Variants in POLR3G observed in about 807,000 individuals in gnomAD.
POLR3G encodes DNA-directed RNA polymerase III subunit RPC7.
A neutral mutation model predicts 30.1 loss-of-function variants in POLR3G; 28 were observed. The observed-to-expected ratio is 0.93, with a 90% CI of 0.69 to 1.27. The LOEUF is 1.27. Ranked by LOEUF, POLR3G falls within the 50% of genes most tolerant of loss-of-function variation. The probability of loss-of-function intolerance (pLI) is 0.00; values close to 1 mark genes in which losing one functional copy is unlikely to be tolerated. For synonymous variants in POLR3G, 79 were observed against 82.5 expected, an observed-to-expected ratio of 0.96 and a Z score of 0.23; for missense variants, 254 against 264.6, an observed-to-expected ratio of 0.96 and a Z score of 0.28.
At chr5:90,477,010 C>T (rs1368715507) in intron 1 of POLR3G, among the ~76,000 whole-genome samples, 5 of 152,096 alleles carry the variant, frequency 3.3e-5, no homozygotes, top group Admixed American at 1.3e-4. Context: ...TCATAGAAGA[C>T]GGCCTGACGA....
chr5:90,504,699 A>T lies in POLR3G; in HGVS notation c.439-1829A>T, dbSNP rs567645738. ...AATAAATATGGCACTACAATTTCCT[A>T]TTAACTATACAACTTATTGGTTGCA... On this transcript the variant is annotated intron_variant, in intron 6 of 7. Transcript: ENST00000651687. Among the ~76,000 whole-genome samples, 780 of 152,292 alleles carry T rather than the reference A, an allele frequency of 5.1e-3. 7 individuals are homozygous for T. The highest frequency in any genetic ancestry group is 0.018 in the African/African-American group (747 of 41,544).
intron 4 of POLR3G, among the ~76,000 whole-genome samples, chr5:90,496,010 C>T (rs907697715): frequency 7.2e-5 from 11 of 151,806 alleles, no homozygotes; most frequent in Non-Finnish European, 1.3e-4. Context: ...CTTGCTCTGT[C>T]GCCCAGGCTG....
In POLR3G at chr5:90,506,519, T is replaced by C. The variant is rs199733843; in HGVS notation, c.439-9T>C. The C allele has an allele frequency of 1.9e-6, 3 of 1,611,392 alleles. No individual in the cohort carries two copies. ...TTCCATACAAATTAATGAAACTCAC[T>C]TATACCAGGAATTGGAAAAAAGAGG... On this transcript the variant is annotated splice_polypyrimidine_tract_variant and intron_variant, in intron 6 of 7. Coordinates refer to ENST00000651687, the MANE Select transcript of POLR3G (RefSeq NM_006467.3).
At chr5:90,483,506 AT>A (rs1751253086) in intron 1 of POLR3G, among the ~76,000 whole-genome samples, 1 of 152,214 alleles carries the variant, frequency 6.6e-6, no homozygotes, top group African/African-American at 2.4e-5. Flanking sequence ...ATTGGCCATC[AT>A]TGGCAGGGTG....
chr5:90,503,683 ACTTT>A (rs202116892), intron 6 of POLR3G, among the ~76,000 whole-genome samples: 1,547 of 152,320 alleles, frequency 0.01, 63 homozygotes, highest in Admixed American at 0.071. Flanking sequence ...TTCCCAGATG[ACTTT>A]CTTATTGCTG....
intron 6 of POLR3G, chr5:90,502,378 T>C: frequency 1.2e-6 from 1 of 828,590 alleles, no homozygotes; most frequent in Non-Finnish European, 1.4e-6. Flanking sequence ...GTTTTAATGC[T>C]TTTTTTTTGG....
At chr5:90,491,628 C>T (rs913827300) in intron 3 of POLR3G, among the ~76,000 whole-genome samples, 1 of 150,894 alleles carries the variant, frequency 6.6e-6, no homozygotes, top group South Asian at 2.1e-4. Context: ...CAGACATTTT[C>T]TTAAAAAGGA....
chr5:90,481,192 G>A (rs576075811), intron 1 of POLR3G, among the ~76,000 whole-genome samples: 1 of 152,222 alleles, frequency 6.6e-6, no homozygotes, highest in East Asian at 1.9e-4. Flanking sequence ...GGTGAAAACT[G>A]ATGGACACTT....
At chr5:90,484,536 A>T (rs1393465653) in intron 1 of POLR3G, among the ~76,000 whole-genome samples, 1 of 152,196 alleles carries the variant, frequency 6.6e-6, no homozygotes, top group Non-Finnish European at 1.5e-5. Context: ...AATGTGGTAG[A>T]CTAAGAAGGG....
chr5:90,513,868 T>G lies in POLR3G; in HGVS notation c.*1729T>G, dbSNP rs1752845623. The G allele has an allele frequency of 6.6e-6, 1 of 152,188 alleles. No individual in the cohort carries two copies. Among genetic ancestry groups the G allele is most frequent in the African/African-American group, 2.4e-5 (1 of 41,452 alleles). 9.4% of individuals were successfully genotyped at this position (152,188 alleles called of 1,614,324 possible). On this transcript the variant is annotated 3_prime_UTR_variant, in exon 8 of 8. Coordinates refer to ENST00000651687, the MANE Select transcript of POLR3G (RefSeq NM_006467.3). ...ATTTGCGGTTGATAATTAACATAGG[T>G]GTTTTATTCTCTCAACTCCTTAGTA... is the stretch of plus-strand genomic sequence containing the variant.
intron 5 of POLR3G, among the ~76,000 whole-genome samples, chr5:90,501,228 A>G (rs1217528629): frequency 2.0e-5 from 3 of 152,170 alleles, no homozygotes; most frequent in Non-Finnish European, 4.4e-5. Context: ...TTTTTTGCAC[A>G]TATATATTTA....
At chr5:90,474,363 G>A, upstream of POLR3G, 1 of 1,383,320 alleles carries the variant, frequency 7.2e-7, no homozygotes, top group South Asian at 1.2e-5. Context: ...CCACACACAG[G>A]GCACTGCGGC....
Position 90,512,042 on chromosome 5 carries a change from A to G in POLR3G, c.586-11A>G, listed in dbSNP as rs550072921. 1.1e-5 allele frequency: 17 copies of G among 1,551,992 alleles called. No individual in the cohort carries two copies. In the African/African-American group the frequency reaches 2.2e-4, roughly 20 times the overall value. On this transcript the variant is annotated splice_polypyrimidine_tract_variant and intron_variant, in intron 7 of 7. Coordinates refer to ENST00000651687, the MANE Select transcript of POLR3G (RefSeq NM_006467.3). ...TTTAACGTTTACAAAGGAATATATC[A>G]TTTCACTTAGGAAAATGACTACATT...
rs1267244987 is a variant in POLR3G at position 90,513,082 on chromosome 5, G to T, written c.*943G>T. 3.9e-5 allele frequency: 6 copies of T among 151,954 alleles called. No individual in the cohort carries two copies. The highest frequency in any genetic ancestry group is 3.3e-4 in the Admixed American group (5 of 15,232). The allele number at this position is 151,954 out of a possible 1,614,324, so 9.4% of individuals were successfully genotyped here. Reference sequence around the variant, plus strand: ...TGAAATTAATATTAATATTTTTGTTGTTTAACTTTAAAGCTAGCTCCCCTA... The same window carrying T: ...TGAAATTAATATTAATATTTTTGTTTTTTAACTTTAAAGCTAGCTCCCCTA... On this transcript the variant is annotated 3_prime_UTR_variant, in exon 8 of 8. Transcript: ENST00000651687.
rs1308535111 is a variant in POLR3G at position 90,513,234 on chromosome 5, A to C, written c.*1095A>C. ...AAATGATTTATCAATGTTATCTACCAAAAGAAATAATTTTATTTTTCCCCT... is the reference window on the plus strand; with the variant it reads ...AAATGATTTATCAATGTTATCTACCCAAAGAAATAATTTTATTTTTCCCCT... On this transcript the variant is annotated 3_prime_UTR_variant, in exon 8 of 8. Coordinates refer to ENST00000651687, the MANE Select transcript of POLR3G (RefSeq NM_006467.3). 1 of 152,628 alleles carries C rather than the reference A, an allele frequency of 6.6e-6. No individual in the cohort carries two copies. The highest frequency in any genetic ancestry group is 1.5e-5 in the Non-Finnish European group (1 of 67,988). The allele number at this position is 152,628 out of a possible 1,614,324, so 9.5% of individuals were successfully genotyped here.
At chr5:90,479,561 T>G (rs1474395018) in intron 1 of POLR3G, among the ~76,000 whole-genome samples, 1 of 152,170 alleles carries the variant, frequency 6.6e-6, no homozygotes, top group Non-Finnish European at 1.5e-5. Flanking sequence ...GGTATTCTAT[T>G]TCTTTGAAAA....
At chr5:90,485,386 A>G (rs1751385785) in intron 1 of POLR3G, 139 bp from the exon 2 acceptor site, 4 of 538,866 alleles carry the variant, frequency 7.4e-6, no homozygotes, top group Non-Finnish European at 9.9e-6. Flanking sequence ...CAGTTGTCAC[A>G]TGTTTATTTG....
chr5:90,499,443 C>T (rs1172055500), intron 5 of POLR3G, among the ~76,000 whole-genome samples: 1 of 152,176 alleles, frequency 6.6e-6, no homozygotes, highest in African/African-American at 2.4e-5. Context: ...AAAATGTTCA[C>T]TCGTTTTTGA....
At chr5:90,474,078 G>A (rs1040273384), upstream of POLR3G, 47 of 1,575,408 alleles carry the variant, frequency 3.0e-5, no homozygotes, top group Non-Finnish European at 3.9e-5. Flanking sequence ...CCGGCGCGCC[G>A]CGTCCTCTTT....
Sources: gnomAD v4.1 joint callset for allele counts (sites outside exome capture counted in the v4.1 genomes callset) on GRCh38, gnomAD v4.1.1 for gene constraint, MANE v1.5 for transcripts, NCBI Gene and HGNC (gene_info 2026-07-23, HGNC 2026-07-21) for gene names.